The following R3HDM1 variants were observed in gnomAD, a reference collection of about 807,000 sequenced individuals.
R3HDM1 encodes R3H domain-containing protein 1.
In R3HDM1, 46 loss-of-function variants were observed where a neutral mutation model predicts 141.1. That is an observed-to-expected ratio of 0.33 (90% CI 0.26 to 0.42). R3HDM1 has a LOEUF of 0.42. R3HDM1 is among the 10% of genes least tolerant of loss of function. R3HDM1 has a pLI of 1.00. For missense variants in R3HDM1, 1,184 were observed against 1,368.3 expected (o/e 0.87, Z 2.12); for synonymous variants, 435 against 472.9 (o/e 0.92, Z 1.04).
Position 135,722,653 on chromosome 2 carries a change from G to A in R3HDM1, c.3049+100G>A, listed in dbSNP as rs2076805237. Reference sequence around the variant, plus strand: ...TGGGTTTTCCTCTTCCTAGAATCCTGCAAAAAGTCATAATTTTTGCCATCT... The same window carrying A: ...TGGGTTTTCCTCTTCCTAGAATCCTACAAAAAGTCATAATTTTTGCCATCT... On this transcript the variant is annotated intron_variant, in intron 26 of 26. Transcript: ENST00000683871. 2.6e-6 allele frequency: 3 copies of A among 1,165,238 alleles called. No individual in the cohort carries two copies. In the East Asian group the frequency reaches 7.6e-5, roughly 30 times the overall value. 72.2% of individuals were successfully genotyped at this position (1,165,238 alleles called of 1,614,324 possible).
At chr2:135,656,231 T>C (rs1316000347) in intron 18 of R3HDM1, among the ~76,000 whole-genome samples, 1 of 152,206 alleles carries the variant, frequency 6.6e-6, no homozygotes, top group Non-Finnish European at 1.5e-5. Context: ...ATTTAAATGG[T>C]AGATCTTTTT....
intron 1 of R3HDM1, among the ~76,000 whole-genome samples, chr2:135,559,730 A>G (rs1051083219): frequency 6.6e-6 from 1 of 152,196 alleles, no homozygotes; most frequent in African/African-American, 2.4e-5. Flanking sequence ...GTTGTCTCTT[A>G]TCACTAGTTG....
At chr2:135,592,266 C>T (rs542877953) in intron 1 of R3HDM1, among the ~76,000 whole-genome samples, 288 of 152,268 alleles carry the variant, frequency 1.9e-3, no homozygotes, top group African/African-American at 6.5e-3. Context: ...CCAGAAATTC[C>T]AAGAATTTAG....
chr2:135,716,949 C>G (rs1276073661), intron 24 of R3HDM1, among the ~76,000 whole-genome samples: 1 of 118,552 alleles, frequency 8.4e-6, no homozygotes, highest in Non-Finnish European at 1.7e-5. Flanking sequence ...GAGGCTCCGT[C>G]TCAAAACAAA....
chr2:135,699,101 A>AGATAGATAGATAGATAGATAGATT (rs1320248568), intron 21 of R3HDM1, among the ~76,000 whole-genome samples: 11 of 151,444 alleles, frequency 7.3e-5, no homozygotes, highest in Admixed American at 4.6e-4. Flanking sequence ...ATAGATAGAT[A>AGATAGATAGATAGATAGATAGATT]GATTAGATAT....
chr2:135,559,854 G>A (rs1222411548), intron 1 of R3HDM1, among the ~76,000 whole-genome samples: 1 of 152,168 alleles, frequency 6.6e-6, no homozygotes. Flanking sequence ...ATTCATCTAA[G>A]TAATGAAACA....
At chr2:135,671,450 A>T (rs1419035783) in intron 19 of R3HDM1, among the ~76,000 whole-genome samples, 6 of 151,766 alleles carry the variant, frequency 4.0e-5, no homozygotes, top group Non-Finnish European at 5.9e-5. Flanking sequence ...GCTCACTGCA[A>T]CCTCTGCCTC....
chr2:135,627,227 C>CCCCCTGAA (rs1384565105), intron 7 of R3HDM1, among the ~76,000 whole-genome samples: 18 of 152,184 alleles, frequency 1.2e-4, no homozygotes, highest in Admixed American at 2.6e-4. Flanking sequence ...ATGGCAAATT[C>CCCCCTGAA]CCCCTGAAGC....
chr2:135,576,507 A>C (rs1351267904), intron 1 of R3HDM1, among the ~76,000 whole-genome samples: 1 of 152,230 alleles, frequency 6.6e-6, no homozygotes, highest in Admixed American at 6.5e-5. Flanking sequence ...AAAGAGATAA[A>C]ATTAGATACA....
At chr2:135,721,881 C>T (rs2076729325) in intron 24 of R3HDM1, 43 bp from the exon 25 acceptor site, 6 of 1,555,910 alleles carry the variant, frequency 3.9e-6, no homozygotes, top group Non-Finnish European at 5.3e-6. Context: ...AACCACCGTG[C>T]CCGGCCTCTG....
At position 135,645,461 on chromosome 2, in the gene R3HDM1, T is replaced by C. The variant is rs1172491250; in HGVS notation, c.1557T>C (p.Pro519=). 1.9e-6 allele frequency: 3 copies of C among 1,613,916 alleles called. No homozygotes were observed. Among genetic ancestry groups the C allele is most frequent in the African/African-American group, 1.3e-5 (1 of 74,926 alleles). The change falls in exon 16 of 27, where the codon CCT becomes CCC. Residue 519 remains proline (P), a synonymous_variant. Transcript: ENST00000683871. ...MTQQPVRSQV[P]GPPQPPLPAP... is the part of the protein sequence containing the mutation. The stretch of plus-strand genomic sequence containing the variant: ...AACAACCAGTTAGATCCCAAGTGCC[T>C]GGACCTCCACAGCCACCTCTGCCAG...
chr2:135,667,270 T>C, intron 19 of R3HDM1: 2 of 905,784 alleles, frequency 2.2e-6, no homozygotes, highest in African/African-American at 1.8e-5. Flanking sequence ...TCCTGAACCA[T>C]CAGTTTATAT....
chr2:135,690,023 C>CTT (rs1295648971), intron 21 of R3HDM1, among the ~76,000 whole-genome samples: 1 of 152,058 alleles, frequency 6.6e-6, no homozygotes, highest in Non-Finnish European at 1.5e-5. Flanking sequence ...AGACTATAGC[C>CTT]TTTTTTTAAG....
intron 1 of R3HDM1, among the ~76,000 whole-genome samples, chr2:135,551,740 G>C (rs1478760750): frequency 6.6e-6 from 1 of 152,124 alleles, no homozygotes; most frequent in African/African-American, 2.4e-5. Flanking sequence ...TTGAGATCGG[G>C]GGGTGTATCT....
chr2:135,678,820 G>A lies in R3HDM1; in HGVS notation c.2308-1353G>A, dbSNP rs536510863. Among the ~76,000 whole-genome samples, 426 of 141,788 alleles carry A rather than the reference G, an allele frequency of 3.0e-3. 3 individuals are homozygous for A. Among genetic ancestry groups the A allele is most frequent in the African/African-American group, 0.011 (413 of 37,618 alleles). The allele number at this position is 141,788 out of a possible 152,430, so 93.0% of individuals were successfully genotyped here. A position where few individuals can be genotyped will look rare whatever the true frequency, so the allele number is the denominator to read the frequency against. On this transcript the variant is annotated intron_variant, in intron 20 of 26. Coordinates refer to ENST00000683871, the MANE Select transcript of R3HDM1 (RefSeq NM_001378107.1). ...CTGTCACCCAGGCTAGAGTGCAGTG[G>A]CTCATTCTCAACTCACTGCAACCTC...
At chr2:135,554,994 A>G (rs1700455119) in intron 1 of R3HDM1, among the ~76,000 whole-genome samples, 1 of 152,184 alleles carries the variant, frequency 6.6e-6, no homozygotes, top group Non-Finnish European at 1.5e-5. Flanking sequence ...GCTGTGACAT[A>G]CAGTAGTAAA....
chr2:135,577,960 A>G (rs1273185555), intron 1 of R3HDM1, among the ~76,000 whole-genome samples: 1 of 152,206 alleles, frequency 6.6e-6, no homozygotes, highest in Non-Finnish European at 1.5e-5. Flanking sequence ...TACTGCTGGT[A>G]AAAATACACA....
At chr2:135,550,058 C>G in intron 1 of R3HDM1, 2 of 984,082 alleles carry the variant, frequency 2.0e-6, no homozygotes, top group Non-Finnish European at 2.4e-6. Context: ...AGTTTAAAAT[C>G]TTTTCATGAT....
intron 19 of R3HDM1, among the ~76,000 whole-genome samples, chr2:135,674,177 C>T (rs1392941258): frequency 6.6e-6 from 1 of 152,144 alleles, no homozygotes; most frequent in Non-Finnish European, 1.5e-5. Context: ...ATTATTTAGT[C>T]CCTGAGCAGA....
Sources: allele counts gnomAD v4.1 joint callset (sites outside exome capture counted in the v4.1 genomes callset), GRCh38; gene constraint gnomAD v4.1.1; transcripts MANE v1.5; gene names NCBI Gene and HGNC (gene_info 2026-07-23, HGNC 2026-07-21).